ROR1: variants seen among roughly 807,000 people sequenced by gnomAD.
ROR1 encodes ROR family WNT receptor 1.
In ROR1, 19 loss-of-function variants were observed where a neutral mutation model predicts 78.8. That is an observed-to-expected ratio of 0.24 (90% CI 0.17 to 0.35). The LOEUF is 0.35. Among genes scored for constraint, ROR1 ranks in the 10% least tolerant of loss-of-function variants. The probability of loss-of-function intolerance (pLI) is 1.00; values close to 1 mark genes in which losing one functional copy is unlikely to be tolerated. For synonymous variants in ROR1, 386 were observed against 433.6 expected, an observed-to-expected ratio of 0.89 and a Z score of 1.36; for missense variants, 917 against 1,177.8, an observed-to-expected ratio of 0.78 and a Z score of 3.24.
At chr1:64,000,888 A>T (rs1557602715) in intron 1 of ROR1, among the ~76,000 whole-genome samples, 1 of 152,208 alleles carries the variant, frequency 6.6e-6, no homozygotes, top group Non-Finnish European at 1.5e-5. Context: ...TTTACCTCTT[A>T]TCACATATTT....
intron 1 of ROR1, among the ~76,000 whole-genome samples, chr1:63,872,661 T>C (rs1346889675): frequency 6.6e-6 from 1 of 152,186 alleles, no homozygotes; most frequent in Non-Finnish European, 1.5e-5. Flanking sequence ...TGTGTGTTCT[T>C]GAAGGCAGTC....
intron 2 of ROR1, among the ~76,000 whole-genome samples, chr1:64,038,185 T>C (rs1557621672): frequency 6.6e-6 from 1 of 152,122 alleles, no homozygotes. Context: ...TCCTGTCTAC[T>C]CCTCGCCTCC....
At chr1:64,142,698 C>T in intron 7 of ROR1, 48 bp downstream of exon 7, 1 of 1,602,594 alleles carries the variant, frequency 6.2e-7, no homozygotes, top group Non-Finnish European at 8.5e-7. Context: ...CTTTAAAGAT[C>T]CCTATCCTAC....
intron 4 of ROR1, among the ~76,000 whole-genome samples, chr1:64,088,360 G>A (rs766603364): frequency 2.0e-5 from 3 of 152,102 alleles, no homozygotes; most frequent in African/African-American, 4.8e-5. Flanking sequence ...TCTTGCCACA[G>A]AGACTGGTCC....
chr1:64,053,191 T>C (rs945580408), intron 4 of ROR1, among the ~76,000 whole-genome samples: 14 of 152,158 alleles, frequency 9.2e-5, no homozygotes, highest in Non-Finnish European at 2.9e-5. Context: ...GCAAAAGAAA[T>C]AAAAGGAGCA....
At chr1:63,883,740 TTC>T (rs1262900225) in intron 1 of ROR1, among the ~76,000 whole-genome samples, 2 of 152,272 alleles carry the variant, frequency 1.3e-5, no homozygotes, top group East Asian at 3.9e-4. Flanking sequence ...CCAGCTTGAG[TTC>T]TGAGTCTGAT....
intron 7 of ROR1, among the ~76,000 whole-genome samples, chr1:64,147,433 G>A (rs773766144): frequency 7.2e-5 from 11 of 151,986 alleles, no homozygotes; most frequent in Non-Finnish European, 1.5e-4. Context: ...GCCAAGCCAC[G>A]AATATATCCA....
At chr1:63,943,093 TA>T (rs56230309) in intron 1 of ROR1, among the ~76,000 whole-genome samples, 112 of 114,968 alleles carry the variant, frequency 9.7e-4, no homozygotes, top group African/African-American at 1.3e-3. Context: ...ACCCTGTCTT[TA>T]AAAAAAAAAA....
chr1:63,985,931 A>G (rs955858549), intron 1 of ROR1, among the ~76,000 whole-genome samples: 10 of 152,126 alleles, frequency 6.6e-5, no homozygotes, highest in African/African-American at 9.7e-5. Context: ...GGGATACTCA[A>G]CCTGGACTAT....
intron 1 of ROR1, among the ~76,000 whole-genome samples, chr1:63,869,188 T>C (rs983940558): frequency 6.6e-6 from 1 of 152,218 alleles, no homozygotes; most frequent in Non-Finnish European, 1.5e-5. Context: ...CATGAAAGCC[T>C]AGAGATGTTA....
intron 4 of ROR1, among the ~76,000 whole-genome samples, chr1:64,077,768 T>G (rs1647063856): frequency 6.6e-6 from 1 of 152,242 alleles, no homozygotes; most frequent in South Asian, 2.1e-4. Context: ...TGAAGATAAG[T>G]CAGAGGTTTT....
intron 4 of ROR1, among the ~76,000 whole-genome samples, chr1:64,092,055 C>G (rs60742540): frequency 0.62 from 93,076 of 149,710 alleles, 30,581 homozygotes; most frequent in African/African-American, 0.84. Flanking sequence ...TGGTGGGTGG[C>G]GGTAGTTGCC....
At chr1:64,048,832 G>A (rs910260014) in intron 2 of ROR1, among the ~76,000 whole-genome samples, 4 of 152,092 alleles carry the variant, frequency 2.6e-5, no homozygotes, top group African/African-American at 4.8e-5. Flanking sequence ...ATTAACCTAT[G>A]GTAATAGAAA....
At chr1:63,963,706 G>GGTCATATGACTAA (rs1646051886) in intron 1 of ROR1, among the ~76,000 whole-genome samples, 1 of 152,064 alleles carries the variant, frequency 6.6e-6, no homozygotes, top group Admixed American at 6.5e-5. Context: ...GGATAGGTGT[G>GGTCATATGACTAA]GTCATATGAC....
intron 2 of ROR1, among the ~76,000 whole-genome samples, chr1:64,028,148 A>G (rs1646629422): frequency 6.6e-6 from 1 of 152,082 alleles, no homozygotes; most frequent in Non-Finnish European, 1.5e-5. Flanking sequence ...AATTCTTTTC[A>G]CTGATTTCAG....
intron 1 of ROR1, among the ~76,000 whole-genome samples, chr1:63,882,933 T>G (rs1288103104): frequency 6.7e-6 from 1 of 149,014 alleles, no homozygotes; most frequent in African/African-American, 2.6e-5. Flanking sequence ...AATTAAGGAC[T>G]GTCTTCAAAT....
In ROR1 at chr1:63,961,440, G is replaced by A. The variant is rs139286819; in HGVS notation, c.92-47865G>A. 4.6e-5 allele frequency among the ~76,000 whole-genome samples: 7 copies of A among 152,252 alleles called. No homozygotes were observed. The East Asian group carries it at 1.4e-3, about 29-fold the overall frequency. ...GTCATAATATGGAATCAACCTAAGT[G>A]TCCATCAATGGATGAATGAATAATG... On this transcript the variant is annotated intron_variant, in intron 1 of 8. Transcript: ENST00000371079.
chr1:63,835,978 CTCTT>C (rs1645016831), intron 1 of ROR1, among the ~76,000 whole-genome samples: 2 of 152,200 alleles, frequency 1.3e-5, no homozygotes, highest in Admixed American at 6.5e-5. Flanking sequence ...TGAAAACACT[CTCTT>C]TCTTCTTGAT....
intron 1 of ROR1, among the ~76,000 whole-genome samples, chr1:63,956,967 C>G (rs55888127): frequency 0.029 from 4,467 of 152,184 alleles, 223 homozygotes; most frequent in African/African-American, 0.1. Context: ...TACCTCCTTC[C>G]TAGTTGGGGA....
Sources: gnomAD v4.1 joint callset for allele counts (sites outside exome capture counted in the v4.1 genomes callset) on GRCh38, gnomAD v4.1.1 for gene constraint, MANE v1.5 for transcripts, NCBI Gene and HGNC (gene_info 2026-07-23, HGNC 2026-07-21) for gene names.